Variants in SOX6 observed in about 807,000 individuals in gnomAD.
SOX6 encodes transcription factor SOX-6.
A neutral mutation model predicts 97.8 loss-of-function variants in SOX6; 11 were observed. The ratio of observed to expected loss-of-function variants is 0.11; its 90% confidence interval spans 0.07 to 0.19. SOX6 has a LOEUF of 0.19. Among genes scored for constraint, SOX6 ranks in the 10% least tolerant of loss-of-function variants. The probability of loss-of-function intolerance (pLI) is 1.00; values close to 1 mark genes in which losing one functional copy is unlikely to be tolerated. For missense variants in SOX6, 810 were observed against 1,039.5 expected, an observed-to-expected ratio of 0.78 and a Z score of 3.04; for synonymous variants, 360 against 371.4, an observed-to-expected ratio of 0.97 and a Z score of 0.35.
intron 4 of SOX6, among the ~76,000 whole-genome samples, chr11:16,489,210 A>C (rs945751721): frequency 2.0e-5 from 3 of 152,174 alleles, no homozygotes; most frequent in Admixed American, 6.5e-5. Context: ...ATTGGAAAAA[A>C]TAAATTAAGC....
At chr11:16,243,788 T>C (rs752578066) in intron 3 of SOX6, among the ~76,000 whole-genome samples, 1 of 152,108 alleles carries the variant, frequency 6.6e-6, no homozygotes, top group Non-Finnish European at 1.5e-5. Flanking sequence ...TTTTTGGATA[T>C]GGATTCATTC....
intron 6 of SOX6, among the ~76,000 whole-genome samples, chr11:16,163,657 A>C (rs1850812527): frequency 6.6e-6 from 1 of 152,244 alleles, no homozygotes; most frequent in Non-Finnish European, 1.5e-5. Context: ...AAATCTTGCT[A>C]ATAAATCTTG....
chr11:16,526,416 A>G (rs982063960), intron 4 of SOX6, among the ~76,000 whole-genome samples: 1 of 150,314 alleles, frequency 6.7e-6, no homozygotes, highest in African/African-American at 2.4e-5. Context: ...TCTCACTCAT[A>G]GGTGGGAATT....
chr11:16,395,675 A>G (rs1309818102), intron 1 of SOX6, among the ~76,000 whole-genome samples: 2 of 151,758 alleles, frequency 1.3e-5, no homozygotes, highest in Non-Finnish European at 2.9e-5. Flanking sequence ...GCTAAGAAAA[A>G]GTATTTCTTG....
rs186755990 is a variant in SOX6, at chr11:16,732,607, C to T, written n.353+3732G>A. ...TAACTCAAGGTGGATTAAAGACTTA[C>T]ATGTAAGACCTAAAACCATAAAAAC... On this transcript the variant is annotated intron_variant and non_coding_transcript_variant, in intron 2 of 5. Transcript: ENST00000524520. Among the ~76,000 whole-genome samples the T allele has an allele frequency of 5.9e-5, 9 of 152,148 alleles. No homozygotes were observed. The East Asian group carries it at 1.7e-3, about 29-fold the overall frequency.
At chr11:16,324,090 G>A (rs771400249) in intron 2 of SOX6, among the ~76,000 whole-genome samples, 30 of 151,874 alleles carry the variant, frequency 2.0e-4, no homozygotes, top group Non-Finnish European at 4.1e-4. Flanking sequence ...AGGCTGAGGG[G>A]AGAAAATTGC....
At chr11:15,997,435 T>C (rs906772315) in intron 13 of SOX6, among the ~76,000 whole-genome samples, 1 of 152,210 alleles carries the variant, frequency 6.6e-6, no homozygotes, top group African/African-American at 2.4e-5. Context: ...AAATAAAATG[T>C]TAACAAATTG....
intron 6 of SOX6, among the ~76,000 whole-genome samples, chr11:16,180,193 G>C (rs1303986551): frequency 4.0e-5 from 6 of 151,734 alleles, no homozygotes; most frequent in African/African-American, 1.5e-4. Flanking sequence ...TTTAATCATT[G>C]ATTAAAATAC....
intron 3 of SOX6, among the ~76,000 whole-genome samples, chr11:16,699,063 C>T (rs965671264): frequency 1.3e-4 from 20 of 152,150 alleles, no homozygotes; most frequent in Non-Finnish European, 2.5e-4. Flanking sequence ...GCAAAAGATG[C>T]AGTATCTGCA....
At chr11:16,617,667 G>A (rs953967057) in intron 3 of SOX6, among the ~76,000 whole-genome samples, 38 of 151,828 alleles carry the variant, frequency 2.5e-4, no homozygotes, top group African/African-American at 8.2e-4. Context: ...ACAGTGAACA[G>A]TAAGTTTCCA....
chr11:16,213,203 C>T (rs753137699), intron 4 of SOX6, among the ~76,000 whole-genome samples: 9 of 151,964 alleles, frequency 5.9e-5, no homozygotes, highest in Non-Finnish European at 1.0e-4. Flanking sequence ...GCCCAGAAAG[C>T]TTAGCTGGCA....
intron 3 of SOX6, among the ~76,000 whole-genome samples, chr11:16,278,505 T>C (rs1004088741): frequency 6.6e-6 from 1 of 152,120 alleles, no homozygotes; most frequent in Non-Finnish European, 1.5e-5. Context: ...GCTCATAGCG[T>C]AGACGCCAAG....
intron 3 of SOX6, among the ~76,000 whole-genome samples, chr11:16,640,755 T>C (rs1001144939): frequency 6.6e-6 from 1 of 152,220 alleles, no homozygotes; most frequent in South Asian, 2.1e-4. Context: ...TCGGTGGTGA[T>C]ATTCTCTTTA....
At chr11:16,473,309 T>A (rs1034304687) in intron 1 of SOX6, among the ~76,000 whole-genome samples, 2 of 152,328 alleles carry the variant, frequency 1.3e-5, no homozygotes, top group Non-Finnish European at 2.9e-5. Context: ...GGTTTCCCAG[T>A]GCATATAAGT....
At chr11:16,091,984 T>C (rs539567270) in intron 9 of SOX6, among the ~76,000 whole-genome samples, 2 of 152,028 alleles carry the variant, frequency 1.3e-5, no homozygotes, top group Non-Finnish European at 2.9e-5. Flanking sequence ...GTAACAATAT[T>C]AAGTTTGTTT....
chr11:16,031,557 G>A (rs1292888231), intron 12 of SOX6: 2 of 152,094 alleles, frequency 1.3e-5, no homozygotes, highest in African/African-American at 4.8e-5. Flanking sequence ...GGGTAGGTAG[G>A]TATGCAGGTA....
At chr11:16,402,993 A>G (rs1470414913) in intron 1 of SOX6, 6 of 594,196 alleles carry the variant, frequency 1.0e-5, no homozygotes, top group South Asian at 1.8e-5. Flanking sequence ...CACAGATGGA[A>G]GTTGGAGTTA....
At chr11:16,577,236 A>T (rs1168259549) in intron 4 of SOX6, 6 of 152,346 alleles carry the variant, frequency 3.9e-5, no homozygotes, top group Middle Eastern at 6.8e-3. Flanking sequence ...AATGTACATT[A>T]TTTCATTTAT....
chr11:16,389,702 C>T (rs192609924), intron 1 of SOX6, among the ~76,000 whole-genome samples: 7 of 152,180 alleles, frequency 4.6e-5, no homozygotes, highest in Admixed American at 6.5e-5. Flanking sequence ...GGTGCGGTGG[C>T]TCACGCCTGT....
Sources: gnomAD v4.1 joint callset for allele counts (sites outside exome capture counted in the v4.1 genomes callset) on GRCh38, gnomAD v4.1.1 for gene constraint, MANE v1.5 for transcripts, NCBI Gene and HGNC (gene_info 2026-07-23, HGNC 2026-07-21) for gene names.